Variants in ZNF675 observed in about 807,000 individuals in gnomAD.
ZNF675 encodes TRAF6 inhibitory zinc finger.
A neutral mutation model predicts 56.1 loss-of-function variants in ZNF675; 36 were observed. That is an observed-to-expected ratio of 0.64 (90% CI 0.49 to 0.85). The LOEUF is 0.85. Ranked by LOEUF, ZNF675 falls within the 40% of genes least tolerant of loss-of-function variation. The probability of loss-of-function intolerance (pLI) is 0.00; values close to 1 mark genes in which losing one functional copy is unlikely to be tolerated. For missense variants in ZNF675, 663 were observed against 654.2 expected (o/e 1.01, Z -0.15); for synonymous variants, 200 against 218.9 (o/e 0.91, Z 0.76).
chr19:23,654,338 A>G lies in ZNF675; in HGVS notation c.595T>C (p.Phe199Leu), dbSNP rs1967953095. The change falls in exon 4 of 4, where the codon TTC (phenylalanine) becomes CTC (leucine). Residue 199 changes from phenylalanine to leucine, a missense_variant. Phe to Leu is a conservative substitution (Grantham distance 22). Transcript: ENST00000359788. Reference sequence around the variant, plus strand: ...TTTTCACATTCTTCACATTTGCAGAAATTCACCTTGGTATAATTTCTTTCA... The same window carrying G: ...TTTTCACATTCTTCACATTTGCAGAGATTCACCTTGGTATAATTTCTTTCA... ...RHERNYTKVN[F>L]CKCEECEKAV... 1 of 1,611,824 alleles carries G rather than the reference A, an allele frequency of 6.2e-7. No homozygotes were observed. The highest frequency in any genetic ancestry group is 8.5e-7 in the Non-Finnish European group (1 of 1,179,292).
In ZNF675 at chr19:23,654,496, C is replaced by T. The variant is rs1465053505; in HGVS notation, c.437G>A (p.Cys146Tyr). ...ATTAAAGACTTTCACATATTTATCA[C>T]ATTGAAACATTTTGCTCTGCATAGT... Reference protein sequence around the residue: ...LPTMQSKMFQCDKYVKVFNKF... With the variant: ...LPTMQSKMFQYDKYVKVFNKF... Residue 146 changes from cysteine (C) to tyrosine (Y), a missense_variant, in exon 4 of 4, where the codon TGT becomes TAT. Cys to Tyr is a radical substitution (Grantham distance 194). Coordinates refer to ENST00000359788, the MANE Select transcript of ZNF675 (RefSeq NM_138330.3). 6.2e-7 allele frequency: 1 copy of T among 1,604,668 alleles called. No individual in the cohort carries two copies. Among genetic ancestry groups the T allele is most frequent in the Admixed American group, 1.7e-5 (1 of 58,226 alleles).
chr19:23,654,826 G>A (rs1174545539), intron 3 of ZNF675, 120 bp from the exon 4 acceptor site: 7 of 731,296 alleles, frequency 9.6e-6, no homozygotes, highest in Non-Finnish European at 1.5e-5. Context: ...ATAATTAAGT[G>A]TATGTGTTGC....
chr19:23,659,400 C>T (rs940517224), intron 3 of ZNF675, among the ~76,000 whole-genome samples: 1 of 152,108 alleles, frequency 6.6e-6, no homozygotes, highest in African/African-American at 2.4e-5. Context: ...TCAGCCATCC[C>T]TGACAAAAAT....
chr19:23,683,191 A>G (rs2144800867), intron 1 of ZNF675, among the ~76,000 whole-genome samples: 1 of 150,140 alleles, frequency 6.7e-6, no homozygotes, highest in East Asian at 1.9e-4. Flanking sequence ...CTCAGTCTCA[A>G]AAAAAAAAAG....
intron 3 of ZNF675, among the ~76,000 whole-genome samples, chr19:23,659,132 T>C (rs561105356): frequency 6.6e-5 from 10 of 152,014 alleles, no homozygotes; most frequent in African/African-American, 2.2e-4. Context: ...GTGCAAATCA[T>C]AGAATTATTT....
rs765519823 is a variant in ZNF675, at chr19:23,653,308, T to A, written c.1625A>T (p.Asp542Val). ...GEKPYKCERC[D>V]KAFNQSANLT... ...GTTTGCAGATTGGTTAAAAGCTTTG[T>A]CACATCTCTCACATTTATAGGGTTT... Residue 542 changes from aspartate (D) to valine (V), a missense_variant, in exon 4 of 4, where the codon GAC becomes GTC. Asp to Val is a radical substitution (Grantham distance 152, BLOSUM62 -3). This residue lies in a region of ZNF675 where 617 missense variants were observed against 590.5 expected (regional missense o/e 1.04). Coordinates refer to ENST00000359788, the MANE Select transcript of ZNF675 (RefSeq NM_138330.3). 1.9e-6 allele frequency: 3 copies of A among 1,613,650 alleles called. No homozygotes were observed. Among genetic ancestry groups the A allele is most frequent in the Admixed American group, 1.7e-5 (1 of 59,992 alleles).
chr19:23,685,167 G>C (rs1304555989), intron 1 of ZNF675, among the ~76,000 whole-genome samples: 1 of 152,156 alleles, frequency 6.6e-6, no homozygotes, highest in Non-Finnish European at 1.5e-5. Flanking sequence ...GTTTCACCAT[G>C]TTAGTCAGGC....
At position 23,653,319 on chromosome 19, in the gene ZNF675, A is replaced by C. The variant is rs1967935009; in HGVS notation, c.1614T>G (p.Cys538Trp). 6.2e-7 allele frequency: 1 copy of C among 1,613,638 alleles called. No individual in the cohort carries two copies. Among genetic ancestry groups the C allele is most frequent in the Non-Finnish European group, 8.5e-7 (1 of 1,179,944 alleles). ...GGTTAAAAGCTTTGTCACATCTCTC[A>C]CATTTATAGGGTTTCTCTCCAGTAT... Reference protein sequence around the residue: ...IIHTGEKPYKCERCDKAFNQS... With the variant: ...IIHTGEKPYKWERCDKAFNQS... Residue 538 changes from cysteine to tryptophan, a missense_variant, in exon 4 of 4, where the codon TGT (cysteine) becomes TGG (tryptophan). Physicochemically the swap from Cys to Trp is radical, Grantham distance 215. This residue lies in a region of ZNF675 where 617 missense variants were observed against 590.5 expected (regional missense o/e 1.04). Coordinates refer to ENST00000359788, the MANE Select transcript of ZNF675 (RefSeq NM_138330.3).
intron 1 of ZNF675, among the ~76,000 whole-genome samples, chr19:23,675,529 AAT>A (rs1968284304): frequency 6.7e-6 from 1 of 148,572 alleles, no homozygotes; most frequent in African/African-American, 2.5e-5. Context: ...GCTTGATAAA[AAT>A]ATAATTCAAT....
chr19:23,656,742 A>AAGG, intron 3 of ZNF675: 1 of 754 alleles, frequency 1.3e-3, no homozygotes, highest in East Asian at 0.17. Flanking sequence ...CCAGTAACAA[A>AAGG]ATGGATACTA....
intron 1 of ZNF675, among the ~76,000 whole-genome samples, chr19:23,678,867 G>A (rs2144796110): frequency 6.6e-6 from 1 of 151,608 alleles, no homozygotes; most frequent in African/African-American, 2.4e-5. Flanking sequence ...AATTTTTAAT[G>A]TAAACATTTA....
At position 23,662,156 on chromosome 19, in the gene ZNF675, GCT is replaced by G. The variant is rs1289798819; in HGVS notation, c.182_183del (p.Glu61AlafsTer8). 3 of 1,613,458 alleles carry G rather than the reference GCT, an allele frequency of 1.9e-6. No individual in the cohort carries two copies. The South Asian group carries it at 3.3e-5, about 18-fold the overall frequency. ...DLITCLEQEK[E>X]PLTVKRHEMV... ...ATCTCATGTCTCTTCACAGTCAAAG[GCT>G]CTTTTTCTTGCTCCAGACAGGTGAT... On this transcript the variant is annotated frameshift_variant, in exon 3 of 4. Coordinates refer to ENST00000359788, the MANE Select transcript of ZNF675 (RefSeq NM_138330.3). LOFTEE classifies it high-confidence loss of function.
rs751299412 is a variant in ZNF675, at chr19:23,653,793, G to A, written c.1140C>T (p.Ser380=). ...CEECGKAFNR[S]SNLTEHRKIH... is the part of the protein sequence containing the mutation. ...TTTTCCTATGTTCCGTAAGATTTGA[G>A]GATCGGTTAAAAGCTTTGCCGCATT... The change falls in exon 4 of 4, where the codon TCC becomes TCT. Residue 380 remains serine (S), a synonymous_variant. Transcript: ENST00000359788. 2 of 1,613,754 alleles carry A rather than the reference G, an allele frequency of 1.2e-6. No homozygotes were observed. Among genetic ancestry groups the A allele is most frequent in the Non-Finnish European group, 1.7e-6 (2 of 1,179,902 alleles).
chr19:23,677,434 G>A (rs1268409057), intron 1 of ZNF675, among the ~76,000 whole-genome samples: 1 of 151,660 alleles, frequency 6.6e-6, no homozygotes, highest in East Asian at 1.9e-4. Context: ...AGCTGGGCAC[G>A]GTGGCTCACG....
chr19:23,658,792 T>C (rs938536514), intron 3 of ZNF675: 5 of 149,164 alleles, frequency 3.4e-5, no homozygotes, highest in African/African-American at 1.2e-4. Flanking sequence ...TATATATATA[T>C]CTATAGATAT....
At chr19:23,672,498 C>T (rs1379477438) in intron 1 of ZNF675, among the ~76,000 whole-genome samples, 1 of 152,218 alleles carries the variant, frequency 6.6e-6, no homozygotes, top group Non-Finnish European at 1.5e-5. Context: ...GTTGACATCT[C>T]ACAATGCAGA....
rs762631014 is a variant in ZNF675, at chr19:23,662,115, T to G, written c.225A>C (p.Pro75=). Residue 75 remains proline (P), a splice_region_variant and synonymous_variant, in exon 3 of 4, where the codon CCA becomes CCC. Coordinates refer to ENST00000359788, the MANE Select transcript of ZNF675 (RefSeq NM_138330.3). ...VKRHEMVNEP[P]VMCSHFAQEF... ...GTATTCACTTTCATTCTCACTTACC[T>G]GGGGGTTCATTCACCATCTCATGTC... 2 of 1,611,428 alleles carry G rather than the reference T, an allele frequency of 1.2e-6. No homozygotes were observed. Among genetic ancestry groups the G allele is most frequent in the Non-Finnish European group, 1.7e-6 (2 of 1,177,760 alleles).
At position 23,653,830 on chromosome 19, in the gene ZNF675, T is replaced by C. The variant is rs371391012; in HGVS notation, c.1103A>G (p.Tyr368Cys). The C allele has an allele frequency of 6.8e-6, 11 of 1,613,834 alleles. No homozygotes were observed. Among genetic ancestry groups the C allele is most frequent in the Non-Finnish European group, 3.4e-6 (4 of 1,179,900 alleles). ...AGCTTTGCCGCATTCCTCACATTTG[T>C]AGGGTTGCTCTCCAGTATGAATGTT... ...HKNIHTGEQPYKCEECGKAFN... is the reference protein window; with the variant it reads ...HKNIHTGEQPCKCEECGKAFN... The change falls in exon 4 of 4, where the codon TAC becomes TGC. Residue 368 changes from tyrosine (Y) to cysteine (C), a missense_variant. By Grantham distance (194) the Tyr-to-Cys change is radical. Transcript: ENST00000359788.
At position 23,687,076 on chromosome 19, in the gene ZNF675, C is replaced by T; in HGVS notation, c.-43G>A. On this transcript the variant is annotated 5_prime_UTR_variant, in exon 1 of 4. Transcript: ENST00000359788. ...GTCCTGGAGTCTTAGCTGTGGATCT[C>T]TCAATTTCTGCAGGTCACAGGCCCA... is the stretch of plus-strand genomic sequence containing the variant. 1 of 1,612,868 alleles carries T rather than the reference C, an allele frequency of 6.2e-7. No homozygotes were observed. The highest frequency in any genetic ancestry group is 8.5e-7 in the Non-Finnish European group (1 of 1,179,248).
Sources: allele counts gnomAD v4.1 joint callset (sites outside exome capture counted in the v4.1 genomes callset), GRCh38; gene constraint gnomAD v4.1.1; regional missense constraint gnomAD v4.1.1; transcripts MANE v1.5; gene names NCBI Gene and HGNC (gene_info 2026-07-23, HGNC 2026-07-21).